The following KDM4B variants were observed in gnomAD, a reference collection of about 807,000 sequenced individuals.
KDM4B encodes lysine demethylase 4B.
A neutral mutation model predicts 125.2 loss-of-function variants in KDM4B; 32 were observed. The ratio of observed to expected loss-of-function variants is 0.26; its 90% CI spans 0.19 to 0.34. The LOEUF (loss-of-function observed/expected upper bound fraction) is 0.34, where lower values mean the gene tolerates loss of function less well. Ranked by LOEUF, KDM4B falls within the 10% of genes least tolerant of loss-of-function variation. The probability of loss-of-function intolerance (pLI) is 1.00; values close to 1 mark genes in which losing one functional copy is unlikely to be tolerated. For synonymous variants in KDM4B, 721 were observed against 677.9 expected (o/e 1.06, Z -0.99); for missense variants, 1,190 against 1,577.7 (o/e 0.75, Z 4.16).
chr19:5,139,715 G>A (rs1264262134), intron 18 of KDM4B, among the ~76,000 whole-genome samples: 4 of 152,226 alleles, frequency 2.6e-5, no homozygotes, highest in Admixed American at 6.5e-5. Context: ...TCTGCATGCC[G>A]TCTTTGGAGA....
chr19:5,082,879 C>G lies in KDM4B; in HGVS notation c.918+375C>G. ...CCTGCTGGCTGGCTCCTGGGCATCT[C>G]CTGGCCATCATGGTCCTGGGGTTGG... On this transcript the variant is annotated intron_variant, in intron 9 of 22. Transcript: ENST00000159111. The surrounding 1 kb of genome is among the most constrained non-coding windows in gnomAD (Gnocchi z 5.4). Among the ~76,000 whole-genome samples, 1 of 152,206 alleles carries G rather than the reference C, an allele frequency of 6.6e-6. No individual in the cohort carries two copies. Among genetic ancestry groups the G allele is most frequent in the Non-Finnish European group, 1.5e-5 (1 of 68,034 alleles).
At chr19:5,024,703 C>G (rs1046729832) in intron 2 of KDM4B, among the ~76,000 whole-genome samples, 2 of 151,870 alleles carry the variant, frequency 1.3e-5, no homozygotes, top group Middle Eastern at 3.2e-3. Flanking sequence ...GTAATTCCAG[C>G]ACTTTGGGAG....
chr19:5,065,605 C>CT (rs1277597391), intron 6 of KDM4B, among the ~76,000 whole-genome samples: 1 of 152,244 alleles, frequency 6.6e-6, no homozygotes, highest in Non-Finnish European at 1.5e-5. Context: ...ATAGCATCCT[C>CT]TGCGGTGGAC....
At chr19:4,998,870 G>A (rs964998680) in intron 1 of KDM4B, among the ~76,000 whole-genome samples, 76 of 152,162 alleles carry the variant, frequency 5.0e-4, no homozygotes, top group Non-Finnish European at 5.0e-4. Flanking sequence ...CACACTTTTG[G>A]CAGGAAAGTC....
At chr19:5,010,502 A>G (rs1286657736) in intron 1 of KDM4B, among the ~76,000 whole-genome samples, 9 of 151,784 alleles carry the variant, frequency 5.9e-5, no homozygotes, top group Non-Finnish European at 1.3e-4. Context: ...CAATTTTTAC[A>G]TTTCCGCGTG....
At chr19:5,058,078 C>T (rs2037466422) in intron 6 of KDM4B, among the ~76,000 whole-genome samples, 1 of 152,232 alleles carries the variant, frequency 6.6e-6, no homozygotes, top group African/African-American at 2.4e-5. Context: ...CGTGGCCACA[C>T]CTTGCATCAA....
chr19:5,044,032 A>G (rs34938743), intron 5 of KDM4B, among the ~76,000 whole-genome samples: 6,479 of 31,420 alleles, frequency 0.21, 1,116 homozygotes, highest in East Asian at 0.64. Flanking sequence ...ACCTTATCCC[A>G]CGCGGTGTTT....
chr19:5,056,369 G>C (rs2037395505), intron 6 of KDM4B, among the ~76,000 whole-genome samples: 1 of 151,594 alleles, frequency 6.6e-6, no homozygotes, highest in East Asian at 1.9e-4. Context: ...TGTCATCTGT[G>C]AATGTCAGGC....
chr19:4,978,219 C>CAAG (rs1471926127), intron 1 of KDM4B, among the ~76,000 whole-genome samples: 1 of 152,012 alleles, frequency 6.6e-6, no homozygotes, highest in Non-Finnish European at 1.5e-5. Context: ...GAACATAAGG[C>CAAG]ATCTTGGCCA....
In KDM4B at chr19:5,115,007, A is replaced by G. The variant is rs2039227721; in HGVS notation, c.1115+4189A>G. ...TCCACTCTCTCCTGAAACGCCACTG[A>G]AACACCAGAGAGTGAAGTGCAGAGA... On this transcript the variant is annotated intron_variant, in intron 10 of 22. Coordinates refer to ENST00000159111, the MANE Select transcript of KDM4B (RefSeq NM_015015.3). The surrounding 1 kb of genome is among the most constrained non-coding windows in gnomAD (Gnocchi z 4.2). Among the ~76,000 whole-genome samples the G allele has an allele frequency of 1.3e-5, 2 of 152,238 alleles. No homozygotes were observed. The highest frequency in any genetic ancestry group is 4.8e-5 in the African/African-American group (2 of 41,458).
At chr19:5,005,097 C>T (rs1014386465) in intron 1 of KDM4B, among the ~76,000 whole-genome samples, 17 of 152,220 alleles carry the variant, frequency 1.1e-4, no homozygotes, top group African/African-American at 3.6e-4. Context: ...GCTGCTGTCC[C>T]AGGGATCCAG....
intron 6 of KDM4B, among the ~76,000 whole-genome samples, chr19:5,060,375 G>A (rs2037547731): frequency 6.9e-6 from 1 of 145,628 alleles, no homozygotes; most frequent in South Asian, 2.2e-4. Context: ...GGAGGTGGAG[G>A]TTGCAGTGAG....
At chr19:5,137,697 G>C in intron 17 of KDM4B, 21 bp downstream of exon 17, 2 of 1,563,902 alleles carry the variant, frequency 1.3e-6, no homozygotes, top group Non-Finnish European at 1.7e-6. Flanking sequence ...CCGCGCGTTG[G>C]GGCTGGAGGG....
At chr19:5,061,061 C>G (rs2037579755) in intron 6 of KDM4B, among the ~76,000 whole-genome samples, 1 of 152,202 alleles carries the variant, frequency 6.6e-6, no homozygotes, top group Admixed American at 6.5e-5. Flanking sequence ...GGGTGCTGAC[C>G]CAGCCCCGGT....
At chr19:5,045,389 G>A (rs2036993724) in intron 5 of KDM4B, among the ~76,000 whole-genome samples, 1 of 152,068 alleles carries the variant, frequency 6.6e-6, no homozygotes, top group Non-Finnish European at 1.5e-5. Flanking sequence ...GTTTGTTGTT[G>A]TTGTTGTTGT....
intron 21 of KDM4B, among the ~76,000 whole-genome samples, chr19:5,147,471 C>T (rs1001195634): frequency 5.3e-5 from 8 of 152,210 alleles, no homozygotes; most frequent in South Asian, 4.2e-4. Context: ...GCCAGCCAGG[C>T]GCGGGGGCTC....
chr19:5,146,961 A>C (rs1030122225), intron 21 of KDM4B, among the ~76,000 whole-genome samples: 1 of 149,660 alleles, frequency 6.7e-6, no homozygotes, highest in East Asian at 2.0e-4. Flanking sequence ...AAAAAAAAAA[A>C]ACAAAAACTC....
chr19:5,037,570 G>A (rs192091687), intron 3 of KDM4B, among the ~76,000 whole-genome samples: 8 of 152,346 alleles, frequency 5.3e-5, no homozygotes, highest in African/African-American at 1.4e-4. Context: ...AAGAGCCGGC[G>A]CTAAGCTGGA....
intron 9 of KDM4B, among the ~76,000 whole-genome samples, chr19:5,084,748 A>C (rs761299426): frequency 2.0e-5 from 3 of 151,152 alleles, no homozygotes; most frequent in Non-Finnish European, 3.0e-5. Context: ...CAGGAGGTCA[A>C]GGCATCCCTG....
Sources: gnomAD v4.1 joint callset for allele counts (sites outside exome capture counted in the v4.1 genomes callset) on GRCh38, gnomAD v4.1.1 for gene constraint, Gnocchi (gnomAD v3.1) non-coding constraint, MANE v1.5 for transcripts, NCBI Gene and HGNC (gene_info 2026-07-23, HGNC 2026-07-21) for gene names.